The following CDC40 variants were observed in gnomAD, a reference collection of about 807,000 sequenced individuals.
CDC40 encodes pre-mRNA-processing factor 17.
In CDC40, 27 loss-of-function variants were observed where a neutral mutation model predicts 80.6. The observed-to-expected ratio is 0.33, with a 90% CI of 0.25 to 0.46. The LOEUF (loss-of-function observed/expected upper bound fraction) is 0.46. CDC40 is among the 20% of genes least tolerant of loss of function. The pLI, the probability that CDC40 is intolerant of heterozygous loss-of-function variation, is 1.00. For missense variants in CDC40, 486 were observed against 694.1 expected (o/e 0.70, Z 3.37); for synonymous variants, 221 against 232.6 (o/e 0.95, Z 0.45).
At chr6:110,206,737 C>A (rs984541096) in intron 3 of CDC40, among the ~76,000 whole-genome samples, 6 of 152,128 alleles carry the variant, frequency 3.9e-5, no homozygotes, top group African/African-American at 1.4e-4. Flanking sequence ...AATCTTCTTA[C>A]CCTTTTTTAT....
At chr6:110,198,247 A>T (rs1050801241) in intron 2 of CDC40, among the ~76,000 whole-genome samples, 6 of 149,124 alleles carry the variant, frequency 4.0e-5, no homozygotes, top group Non-Finnish European at 8.9e-5. Context: ...GTGTGATCTC[A>T]GCTCACTACA....
In CDC40 at chr6:110,207,491, C is replaced by G; in HGVS notation, c.407-15C>G. On this transcript the variant is annotated splice_polypyrimidine_tract_variant and intron_variant, in intron 3 of 14. Transcript: ENST00000307731. ...AGCAAAATGGAGTTAATAATTTTCA[C>G]TTTTTTGCTTTCAGGTTATGCATTA... 2 of 1,426,814 alleles carry G rather than the reference C, an allele frequency of 1.4e-6. No individual in the cohort carries two copies. The highest frequency in any genetic ancestry group is 2.3e-5 in the East Asian group (1 of 43,796). The allele number at this position is 1,426,814 out of a possible 1,614,324, so 88.4% of individuals were successfully genotyped here.
chr6:110,192,611 G>A, intron 1 of CDC40, among the ~76,000 whole-genome samples: 1 of 152,262 alleles, frequency 6.6e-6, no homozygotes. Flanking sequence ...GTATTTGTAA[G>A]TGGTGGAGTT....
At chr6:110,192,558 ATCAGGGGAGG>A (rs927760189) in intron 1 of CDC40, among the ~76,000 whole-genome samples, 1 of 152,216 alleles carries the variant, frequency 6.6e-6, no homozygotes. Context: ...GTCTCTAGAA[ATCAGGGGAGG>A]TCCAGGCTAA....
intron 3 of CDC40, 32 bp downstream of exon 3, chr6:110,201,719 T>C (rs1451600766): frequency 1.2e-6 from 2 of 1,600,990 alleles, no homozygotes; most frequent in Non-Finnish European, 1.7e-6. Flanking sequence ...AGTTTCAATT[T>C]TGGCTTTATT....
intron 8 of CDC40, among the ~76,000 whole-genome samples, chr6:110,213,772 A>G (rs1014295304): frequency 2.0e-5 from 3 of 152,202 alleles, no homozygotes; most frequent in Admixed American, 2.0e-4. Flanking sequence ...GTAGACACCA[A>G]GTAACTGGAC....
chr6:110,211,609 T>C (rs6918158), intron 6 of CDC40: 4,238 of 152,916 alleles, frequency 0.028, 90 homozygotes, highest in East Asian at 0.12. Context: ...ATATACTATG[T>C]CATTTAATTC....
intron 9 of CDC40, among the ~76,000 whole-genome samples, chr6:110,217,034 A>C (rs1457354091): frequency 2.0e-5 from 3 of 152,110 alleles, no homozygotes; most frequent in Non-Finnish European, 4.4e-5. Context: ...TTGAGCCAGG[A>C]AGGTTGAGCT....
chr6:110,185,306 G>A (rs1374080673), intron 1 of CDC40, among the ~76,000 whole-genome samples: 3 of 146,984 alleles, frequency 2.0e-5, no homozygotes, highest in Non-Finnish European at 4.5e-5. Context: ...GCAGTGGCGG[G>A]ATCTCGGCTC....
At chr6:110,211,058 A>G (rs1226067016) in intron 6 of CDC40, 3 of 186,178 alleles carry the variant, frequency 1.6e-5, no homozygotes, top group African/African-American at 7.0e-5. Context: ...ATTAAATGGT[A>G]GATAAAAAGA....
chr6:110,207,685 T>C, intron 4 of CDC40, 96 bp downstream of exon 4: 1 of 710,832 alleles, frequency 1.4e-6, no homozygotes, highest in South Asian at 1.7e-5. Flanking sequence ...AAATAGTATT[T>C]AGCGCTTTTT....
rs1777917756 is a variant in CDC40 at position 110,230,216 on chromosome 6, T to C, written c.*85T>C. On this transcript the variant is annotated 3_prime_UTR_variant, in exon 15 of 15. Transcript: ENST00000307731. ...ATTATTAAATGTATCTGATGATAAC[T>C]TGATTTACAGATAATGTTGATGACA... The C allele has an allele frequency of 2.7e-5, 22 of 803,702 alleles. No homozygotes were observed. The highest frequency in any genetic ancestry group is 4.2e-5 in the Non-Finnish European group (21 of 503,700). 49.8% of individuals were successfully genotyped at this position (803,702 alleles called of 1,614,324 possible). A position where few individuals can be genotyped will look rare whatever the true frequency, so the allele number is the denominator to read the frequency against.
At chr6:110,213,295 G>T in intron 8 of CDC40, 135 bp downstream of exon 8, 1 of 619,174 alleles carries the variant, frequency 1.6e-6, no homozygotes, top group South Asian at 2.1e-5. Context: ...TGTAAATGCA[G>T]CAATTTATGA....
At chr6:110,225,238 T>C (rs1777836379) in intron 12 of CDC40, among the ~76,000 whole-genome samples, 2 of 152,172 alleles carry the variant, frequency 1.3e-5, no homozygotes, top group Non-Finnish European at 2.9e-5. Flanking sequence ...GGTTTGAAAT[T>C]GAAATTGCTG....
At chr6:110,187,475 A>G (rs1777289673) in intron 1 of CDC40, among the ~76,000 whole-genome samples, 5 of 152,174 alleles carry the variant, frequency 3.3e-5, no homozygotes, top group Non-Finnish European at 5.9e-5. Context: ...CTTCAAATGG[A>G]CGACCTTTTC....
In CDC40 at chr6:110,207,801, G is replaced by A. The variant is rs1777585091; in HGVS notation, c.490+212G>A. 2.0e-5 allele frequency among the ~76,000 whole-genome samples: 3 copies of A among 152,146 alleles called. No homozygotes were observed. In the South Asian group the frequency reaches 6.2e-4, roughly 31 times the overall value. On this transcript the variant is annotated intron_variant, in intron 4 of 14. Transcript: ENST00000307731. The stretch of plus-strand genomic sequence containing the variant: ...CGCTTACTAGTTGTGGAATCTTGTA[G>A]GGAAAATAATGATACATATCTCTTT...
chr6:110,187,196 A>G (rs1055509391), intron 1 of CDC40, among the ~76,000 whole-genome samples: 2 of 152,128 alleles, frequency 1.3e-5, no homozygotes, highest in Non-Finnish European at 2.9e-5. Context: ...GCCAATAAAA[A>G]TTTTTACATG....
intron 1 of CDC40, 115 bp downstream of exon 1, chr6:110,180,748 A>G (rs1044555555): frequency 3.3e-5 from 24 of 734,656 alleles, no homozygotes; most frequent in African/African-American, 1.8e-5. Context: ...ATAAGTTGCT[A>G]ACGTTTGAAT....
intron 6 of CDC40, chr6:110,211,287 A>C (rs1777633961): frequency 6.6e-6 from 1 of 152,212 alleles, no homozygotes; most frequent in South Asian, 2.1e-4. Context: ...TGTAGAAGGA[A>C]ATGCATATTC....
Sources: gnomAD v4.1 joint callset for allele counts (sites outside exome capture counted in the v4.1 genomes callset) on GRCh38, gnomAD v4.1.1 for gene constraint, MANE v1.5 for transcripts, NCBI Gene and HGNC (gene_info 2026-07-23, HGNC 2026-07-21) for gene names.